The following MMP16 variants were observed in gnomAD, a reference collection of about 807,000 sequenced individuals.
MMP16 encodes matrix metalloproteinase-16.
MMP16 carries 12 observed loss-of-function variants against 67.8 expected under a neutral mutation model. The observed-to-expected ratio is 0.18, with a 90% CI of 0.11 to 0.29. The LOEUF (loss-of-function observed/expected upper bound fraction) is 0.29. Among genes scored for constraint, MMP16 ranks in the 10% least tolerant of loss-of-function variants. MMP16 has a pLI of 1.00. For missense variants in MMP16, 475 were observed against 765.7 expected (o/e 0.62, Z 4.48); for synonymous variants, 249 against 255.9 (o/e 0.97, Z 0.26).
chr8:88,323,969 T>G (rs941878037), intron 1 of MMP16, among the ~76,000 whole-genome samples: 1 of 152,178 alleles, frequency 6.6e-6, no homozygotes, highest in Non-Finnish European at 1.5e-5. Flanking sequence ...TAGTTAATAT[T>G]AGCAATGTTC....
chr8:88,125,325 A>G (rs1375501677), intron 4 of MMP16, among the ~76,000 whole-genome samples: 1 of 151,884 alleles, frequency 6.6e-6, no homozygotes, highest in African/African-American at 2.4e-5. Flanking sequence ...TTTGCTGGGA[A>G]TGTTAGAATT....
intron 6 of MMP16, among the ~76,000 whole-genome samples, chr8:88,078,172 G>A (rs771761387): frequency 6.6e-6 from 1 of 151,920 alleles, no homozygotes; most frequent in Non-Finnish European, 1.5e-5. Context: ...GAGGTGGAAG[G>A]GGAAATAATA....
chr8:88,110,438 T>C (rs1484631858), intron 6 of MMP16, among the ~76,000 whole-genome samples: 1 of 151,612 alleles, frequency 6.6e-6, no homozygotes, highest in Non-Finnish European at 1.5e-5. Context: ...GCTATGATTT[T>C]GTACTACAGG....
intron 7 of MMP16, among the ~76,000 whole-genome samples, chr8:88,067,797 C>T (rs1003288580): frequency 3.3e-5 from 5 of 152,018 alleles, no homozygotes; most frequent in South Asian, 2.1e-4. Context: ...ATGGATATAT[C>T]GCAGTTTACT....
chr8:88,104,407 T>C (rs566535731), intron 6 of MMP16, among the ~76,000 whole-genome samples: 12 of 151,810 alleles, frequency 7.9e-5, no homozygotes, highest in Non-Finnish European at 1.3e-4. Flanking sequence ...TGCATAATAA[T>C]GCTTCAGTTA....
chr8:88,264,112 T>C (rs1810437565), intron 1 of MMP16, among the ~76,000 whole-genome samples: 1 of 150,662 alleles, frequency 6.6e-6, no homozygotes, highest in African/African-American at 2.4e-5. Flanking sequence ...CATATATTAC[T>C]TTAGGTCAGT....
intron 4 of MMP16, among the ~76,000 whole-genome samples, chr8:88,155,075 A>G (rs1422315071): frequency 1.3e-5 from 2 of 152,142 alleles, no homozygotes; most frequent in Non-Finnish European, 2.9e-5. Context: ...GTGAAAATAC[A>G]TAATATCAGA....
In MMP16 at chr8:88,032,548, G is replaced by T. The variant is rs764186552; in HGVS notation, c.*8913C>A. 1 of 152,072 alleles carries T rather than the reference G, an allele frequency of 6.6e-6. No homozygotes were observed. The highest frequency in any genetic ancestry group is 2.1e-4 in the South Asian group (1 of 4,824). 9.4% of individuals were successfully genotyped at this position (152,072 alleles called of 1,614,324 possible). A position where few individuals can be genotyped will look rare whatever the true frequency, so the allele number is the denominator to read the frequency against. ...AGACAACTTGTGAATAATAAACACTGTTCAATGCACTGATCAATAAAATCA... is the reference window on the plus strand; with the variant it reads ...AGACAACTTGTGAATAATAAACACTTTTCAATGCACTGATCAATAAAATCA... On this transcript the variant is annotated 3_prime_UTR_variant, in exon 10 of 10. Transcript: ENST00000286614.
intron 6 of MMP16, among the ~76,000 whole-genome samples, chr8:88,095,111 T>G (rs1279304648): frequency 1.3e-5 from 2 of 151,848 alleles, no homozygotes. Context: ...TTACAGTACA[T>G]TAATATTTTA....
At chr8:88,305,055 T>C (rs752601754) in intron 1 of MMP16, among the ~76,000 whole-genome samples, 5 of 151,982 alleles carry the variant, frequency 3.3e-5, no homozygotes, top group South Asian at 2.1e-4. Context: ...AACAGACCCA[T>C]GTAAAGTGAA....
chr8:88,104,521 A>G (rs567375897), intron 6 of MMP16, among the ~76,000 whole-genome samples: 9 of 151,716 alleles, frequency 5.9e-5, no homozygotes, highest in African/African-American at 1.9e-4. Flanking sequence ...TGCATTACTC[A>G]TGTGTTTATG....
At chr8:88,179,297 C>T (rs891468379) in intron 3 of MMP16, among the ~76,000 whole-genome samples, 6 of 151,902 alleles carry the variant, frequency 3.9e-5, no homozygotes, top group Non-Finnish European at 5.9e-5. Context: ...AACAAAGGGG[C>T]TTGAAATATT....
intron 7 of MMP16, among the ~76,000 whole-genome samples, chr8:88,074,202 T>A (rs1808607393): frequency 6.6e-6 from 1 of 152,182 alleles, no homozygotes; most frequent in Non-Finnish European, 1.5e-5. Context: ...TTACATAAAC[T>A]GATTACATCA....
At chr8:88,202,401 T>A (rs547523809) in intron 1 of MMP16, among the ~76,000 whole-genome samples, 1 of 152,174 alleles carries the variant, frequency 6.6e-6, no homozygotes, top group African/African-American at 2.4e-5. Context: ...TTTTCCAATC[T>A]GCATAAAGTG....
At chr8:88,075,880 C>A (rs1808640843) in intron 6 of MMP16, among the ~76,000 whole-genome samples, 1 of 150,342 alleles carries the variant, frequency 6.7e-6, no homozygotes, top group African/African-American at 2.4e-5. Context: ...ATGCTTTTGG[C>A]CAACAATATG....
chr8:88,273,362 A>G (rs1276551103), intron 1 of MMP16, among the ~76,000 whole-genome samples: 1 of 150,596 alleles, frequency 6.6e-6, no homozygotes, highest in African/African-American at 2.4e-5. Context: ...AAGTGTTGGG[A>G]TTACAGGCGT....
intron 1 of MMP16, among the ~76,000 whole-genome samples, chr8:88,239,686 G>A (rs1040567393): frequency 1.3e-5 from 2 of 152,120 alleles, no homozygotes; most frequent in Admixed American, 6.5e-5. Context: ...TATAGTCCTT[G>A]TGATGAGGAG....
intron 1 of MMP16, among the ~76,000 whole-genome samples, chr8:88,273,291 C>A (rs1204199207): frequency 1.3e-5 from 2 of 148,290 alleles, no homozygotes; most frequent in African/African-American, 5.0e-5. Context: ...GGGGTTTGAC[C>A]ATGTTGCCAG....
At chr8:88,105,402 G>A (rs1809220707) in intron 6 of MMP16, among the ~76,000 whole-genome samples, 1 of 151,444 alleles carries the variant, frequency 6.6e-6, no homozygotes, top group Non-Finnish European at 1.5e-5. Flanking sequence ...TAGTATTGCT[G>A]TAGTTTAAAT....
Sources: allele counts gnomAD v4.1 joint callset (sites outside exome capture counted in the v4.1 genomes callset), GRCh38; gene constraint gnomAD v4.1.1; transcripts MANE v1.5; gene names NCBI Gene and HGNC (gene_info 2026-07-23, HGNC 2026-07-21).